EZH2: variants seen among roughly 807,000 people sequenced by gnomAD.
EZH2 encodes enhancer of zeste 2 polycomb repressive complex 2 subunit, also known as histone-lysine N-methyltransferase EZH2.
Under a neutral mutation model 98.4 loss-of-function variants are expected in EZH2, and 18 were observed. The ratio of observed to expected loss-of-function variants is 0.18; its 90% CI spans 0.13 to 0.27. The LOEUF (loss-of-function observed/expected upper bound fraction) is 0.27. Ranked by LOEUF, EZH2 falls within the 10% of genes least tolerant of loss-of-function variation. The pLI, the probability that EZH2 is intolerant of heterozygous loss-of-function variation, is 1.00. For synonymous variants in EZH2, 338 were observed against 312.3 expected (o/e 1.08, Z -0.87); for missense variants, 470 against 935.1 (o/e 0.50, Z 6.49).
intron 1 of EZH2, among the ~76,000 whole-genome samples, chr7:148,859,318 C>T (rs550334706): frequency 4.1e-4 from 63 of 152,114 alleles, no homozygotes; most frequent in African/African-American, 1.3e-3. Context: ...CCAGCCTGGC[C>T]AAGACGGTGA....
rs1051441095 is a variant in EZH2 at position 148,811,564 on chromosome 7, C to A, written c.1947+61G>T. ...CACAGACTTACCTAATAAAATCAAT[C>A]TAAAATAAAGTAAAGTTAGTATATA... On this transcript the variant is annotated intron_variant, in intron 16 of 19. Coordinates refer to ENST00000320356, the MANE Select transcript of EZH2 (RefSeq NM_004456.5). The A allele has an allele frequency of 8.1e-6, 11 of 1,351,574 alleles. No homozygotes were observed. The African/African-American group carries it at 1.5e-4, about 18-fold the overall frequency. 83.7% of individuals were successfully genotyped at this position (1,351,574 alleles called of 1,614,324 possible). A position where few individuals can be genotyped will look rare whatever the true frequency, so the allele number is the denominator to read the frequency against.
At chr7:148,836,353 T>C (rs1810930555) in intron 3 of EZH2, among the ~76,000 whole-genome samples, 1 of 152,212 alleles carries the variant, frequency 6.6e-6, no homozygotes, top group Non-Finnish European at 1.5e-5. Flanking sequence ...CTAACAACCA[T>C]ATTCCTTTCA....
intron 15 of EZH2, among the ~76,000 whole-genome samples, chr7:148,813,557 T>A (rs1349101421): frequency 6.6e-6 from 1 of 151,894 alleles, no homozygotes; most frequent in Non-Finnish European, 1.5e-5. Context: ...TAGCAAGGAA[T>A]CTATAAATAC....
chr7:148,848,002 G>A (rs979218046), intron 1 of EZH2, among the ~76,000 whole-genome samples: 9 of 152,110 alleles, frequency 5.9e-5, no homozygotes, highest in Admixed American at 3.9e-4. Flanking sequence ...GTTTAAATGC[G>A]GGGACAGCTT....
In EZH2 at chr7:148,849,945, GGTAGCAC is replaced by G. The variant is rs557354488; in HGVS notation, c.-7-2647_-7-2641del. Among the ~76,000 whole-genome samples the G allele has an allele frequency of 8.5e-5, 13 of 152,280 alleles. No individual in the cohort carries two copies. The South Asian group carries it at 2.3e-3, about 27-fold the overall frequency. The stretch of plus-strand genomic sequence containing the variant: ...CTGCCTAGACAAATTTCTCCTTGGA[GGTAGCAC>G]CCCTGTGCAATAAGGCCTAGGGTAG... On this transcript the variant is annotated intron_variant, in intron 1 of 19. Coordinates refer to ENST00000320356, the MANE Select transcript of EZH2 (RefSeq NM_004456.5).
intron 3 of EZH2, among the ~76,000 whole-genome samples, chr7:148,845,728 T>C (rs1006800273): frequency 2.0e-5 from 3 of 152,212 alleles, no homozygotes; most frequent in Non-Finnish European, 4.4e-5. Context: ...TACTACATAG[T>C]GCAATTTTAA....
At chr7:148,883,663 C>A (rs1821363524) in intron 1 of EZH2, among the ~76,000 whole-genome samples, 1 of 151,274 alleles carries the variant, frequency 6.6e-6, no homozygotes, top group African/African-American at 2.4e-5. Flanking sequence ...TGCCCCTTCC[C>A]CTCGCGCCGA....
intron 8 of EZH2, among the ~76,000 whole-genome samples, chr7:148,825,238 A>C (rs190459291): frequency 6.6e-6 from 1 of 152,356 alleles, no homozygotes; most frequent in East Asian, 1.9e-4. Flanking sequence ...AGGGAAATTA[A>C]AATGAAATTC....
intron 3 of EZH2, 97 bp from the exon 4 acceptor site, chr7:148,832,847 T>A: frequency 1.5e-6 from 1 of 688,736 alleles, no homozygotes; most frequent in Non-Finnish European, 2.4e-6. Flanking sequence ...CCCAAATATT[T>A]AATTTTGAAA....
At chr7:148,828,270 A>T (rs948344466) in intron 6 of EZH2, among the ~76,000 whole-genome samples, 2 of 152,222 alleles carry the variant, frequency 1.3e-5, no homozygotes, top group African/African-American at 2.4e-5. Flanking sequence ...GCACACAAAA[A>T]ATTACGTTCT....
intron 3 of EZH2, among the ~76,000 whole-genome samples, chr7:148,842,573 T>A (rs1298147868): frequency 6.6e-6 from 1 of 152,210 alleles, no homozygotes; most frequent in African/African-American, 2.4e-5. Flanking sequence ...TTAATGACAG[T>A]GTGAAGCTGG....
intron 1 of EZH2, among the ~76,000 whole-genome samples, chr7:148,872,094 T>C (rs1030327084): frequency 2.6e-5 from 4 of 152,114 alleles, no homozygotes; most frequent in African/African-American, 7.2e-5. Context: ...TGTCCACCAA[T>C]AGATAAATGG....
At position 148,815,559 on chromosome 7, in the gene EZH2, A is replaced by C; in HGVS notation, c.1506-13T>G. On this transcript the variant is annotated splice_polypyrimidine_tract_variant and intron_variant, in intron 12 of 19. Coordinates refer to ENST00000320356, the MANE Select transcript of EZH2 (RefSeq NM_004456.5). ...TGCAGCCCACAACCTGCAAAAACAC[A>C]AAGAAAATTAAACCAAATTTCTGCG... 2.5e-6 allele frequency: 4 copies of C among 1,613,714 alleles called. No individual in the cohort carries two copies. The highest frequency in any genetic ancestry group is 3.4e-6 in the Non-Finnish European group (4 of 1,179,552).
intron 1 of EZH2, among the ~76,000 whole-genome samples, chr7:148,848,111 T>C (rs919840634): frequency 6.6e-6 from 1 of 152,204 alleles, no homozygotes; most frequent in Non-Finnish European, 1.5e-5. Flanking sequence ...ATTAAAATCA[T>C]CCTGTACCTT....
chr7:148,833,986 A>T (rs1810162824), intron 3 of EZH2, among the ~76,000 whole-genome samples: 1 of 152,198 alleles, frequency 6.6e-6, no homozygotes, highest in Non-Finnish European at 1.5e-5. Flanking sequence ...CTATGATGAC[A>T]GCGATTTCAA....
chr7:148,870,085 G>C (rs1819128925), intron 1 of EZH2, among the ~76,000 whole-genome samples: 1 of 152,134 alleles, frequency 6.6e-6, no homozygotes, highest in South Asian at 2.1e-4. Context: ...AGCATAACTT[G>C]AGTTCTCTAT....
At position 148,807,505 on chromosome 7, in the gene EZH2, T is replaced by C. The variant is rs1467114972; in HGVS notation, c.*141A>G. ...GGCAATAAAAAGTTGATTTTTAAACTCATTACTATAAATTATTCTTACAGT... is the reference window on the plus strand; with the variant it reads ...GGCAATAAAAAGTTGATTTTTAAACCCATTACTATAAATTATTCTTACAGT... On this transcript the variant is annotated 3_prime_UTR_variant, in exon 20 of 20. Transcript: ENST00000320356. The C allele has an allele frequency of 1.9e-5, 13 of 691,794 alleles. No homozygotes were observed. In the Admixed American group the frequency reaches 3.1e-4, roughly 16 times the overall value. 42.9% of individuals were successfully genotyped at this position (691,794 alleles called of 1,614,324 possible). A position where few individuals can be genotyped will look rare whatever the true frequency, so the allele number is the denominator to read the frequency against.
intron 1 of EZH2, among the ~76,000 whole-genome samples, chr7:148,857,533 C>G (rs1181666036): frequency 2.0e-5 from 3 of 152,054 alleles, no homozygotes; most frequent in Non-Finnish European, 1.5e-5. Flanking sequence ...AGGCGGATCA[C>G]GTAAGTCAGG....
At chr7:148,839,075 AGG>A (rs1376450411) in intron 3 of EZH2, among the ~76,000 whole-genome samples, 1 of 150,042 alleles carries the variant, frequency 6.7e-6, no homozygotes, top group African/African-American at 2.5e-5. Context: ...GAAGGAAGGA[AGG>A]AAGGAAGGAA....
Sources: gnomAD v4.1 joint callset for allele counts (sites outside exome capture counted in the v4.1 genomes callset) on GRCh38, gnomAD v4.1.1 for gene constraint, MANE v1.5 for transcripts, NCBI Gene and HGNC (gene_info 2026-07-23, HGNC 2026-07-21) for gene names.